The following CNTNAP2 variants were observed in gnomAD, a reference collection of about 807,000 sequenced individuals.
CNTNAP2 encodes contactin associated protein 2.
In CNTNAP2, 98 loss-of-function variants were observed where a neutral mutation model predicts 155.2. That is an observed-to-expected ratio of 0.63 (90% CI 0.54 to 0.75). CNTNAP2 has a LOEUF of 0.75. Among genes scored for constraint, CNTNAP2 ranks in the 30% least tolerant of loss-of-function variants. The pLI is 0.00. For synonymous variants in CNTNAP2, 651 were observed against 631.2 expected, an observed-to-expected ratio of 1.03 and a Z score of -0.47; for missense variants, 1,727 against 1,688.1, an observed-to-expected ratio of 1.02 and a Z score of -0.40.
At chr7:147,387,922 A>G (rs1796650289) in intron 9 of CNTNAP2, among the ~76,000 whole-genome samples, 1 of 152,122 alleles carries the variant, frequency 6.6e-6, no homozygotes, top group Non-Finnish European at 1.5e-5. Context: ...TGCCTGAATT[A>G]ATTATTAACA....
intron 20 of CNTNAP2, among the ~76,000 whole-genome samples, chr7:148,231,773 G>A (rs1196872400): frequency 6.6e-6 from 1 of 152,150 alleles, no homozygotes; most frequent in Non-Finnish European, 1.5e-5. Flanking sequence ...TGCTCACCTT[G>A]TTGGGTGGAA....
In CNTNAP2 at chr7:148,178,614, A is replaced by G. The variant is rs76382272; in HGVS notation, c.3010+6136A>G. Among the ~76,000 whole-genome samples, 1,123 of 152,374 alleles carry G rather than the reference A, an allele frequency of 7.4e-3. 10 individuals carry two copies. The highest frequency in any genetic ancestry group is 0.025 in the African/African-American group (1,052 of 41,578). Reference sequence around the variant, plus strand: ...CAACCTATAAGATGATGATGGAATTAGATGTCAGTTTGAATCCATCTTTCT... The same window carrying G: ...CAACCTATAAGATGATGATGGAATTGGATGTCAGTTTGAATCCATCTTTCT... On this transcript the variant is annotated intron_variant, in intron 18 of 23. Coordinates refer to ENST00000361727, the MANE Select transcript of CNTNAP2 (RefSeq NM_014141.6).
chr7:146,732,080 A>G (rs1238119944), intron 1 of CNTNAP2, among the ~76,000 whole-genome samples: 1 of 152,130 alleles, frequency 6.6e-6, no homozygotes, highest in Non-Finnish European at 1.5e-5. Context: ...ACAGTGGCCA[A>G]GATTCACCAA....
chr7:146,728,056 CGA>C (rs1290215233), intron 1 of CNTNAP2, among the ~76,000 whole-genome samples: 1 of 152,104 alleles, frequency 6.6e-6, no homozygotes, highest in East Asian at 1.9e-4. Context: ...AAGAGCATCA[CGA>C]GCATGCTCAG....
intron 13 of CNTNAP2, among the ~76,000 whole-genome samples, chr7:147,749,707 A>G (rs1372207377): frequency 6.6e-6 from 1 of 152,224 alleles, no homozygotes; most frequent in Non-Finnish European, 1.5e-5. Context: ...GGGCCATAGC[A>G]AGTATATGTT....
intron 3 of CNTNAP2, among the ~76,000 whole-genome samples, chr7:147,011,601 C>T (rs913309255): frequency 2.6e-5 from 4 of 151,364 alleles, no homozygotes; most frequent in Non-Finnish European, 5.9e-5. Context: ...GAAGCAGCCT[C>T]GGAAGCAAAG....
chr7:147,520,315 A>T (rs1037347031), intron 11 of CNTNAP2, among the ~76,000 whole-genome samples: 3 of 152,220 alleles, frequency 2.0e-5, no homozygotes, highest in Admixed American at 6.5e-5. Context: ...AATAAGTTAC[A>T]TTTCTTATAG....
At chr7:146,849,555 T>G (rs1794833287) in intron 3 of CNTNAP2, among the ~76,000 whole-genome samples, 1 of 152,188 alleles carries the variant, frequency 6.6e-6, no homozygotes, top group Admixed American at 6.5e-5. Flanking sequence ...TCCAACACTT[T>G]CTCGTGGTGT....
At chr7:147,337,517 C>T (rs1472727845) in intron 9 of CNTNAP2, among the ~76,000 whole-genome samples, 11 of 152,060 alleles carry the variant, frequency 7.2e-5, no homozygotes, top group African/African-American at 2.7e-4. Context: ...TCCTGCAGTG[C>T]TGTGTGTCTT....
chr7:147,987,991 G>A (rs1189393119), intron 15 of CNTNAP2, among the ~76,000 whole-genome samples: 1 of 152,104 alleles, frequency 6.6e-6, no homozygotes, highest in Non-Finnish European at 1.5e-5. Context: ...CACCACGCCT[G>A]GCAGGTTTTA....
intron 1 of CNTNAP2, among the ~76,000 whole-genome samples, chr7:146,381,089 C>T (rs1165370978): frequency 4.6e-5 from 7 of 152,068 alleles, no homozygotes; most frequent in East Asian, 1.9e-4. Context: ...TGAGCCACCG[C>T]GCCCGGCCTG....
intron 3 of CNTNAP2, among the ~76,000 whole-genome samples, chr7:147,004,852 A>G (rs1798496356): frequency 2.0e-5 from 3 of 152,128 alleles, no homozygotes; most frequent in African/African-American, 7.2e-5. Flanking sequence ...AAACGAATCA[A>G]CTAGATAATA....
In CNTNAP2 at chr7:146,483,236, A is replaced by C. The variant is rs1262521516; in HGVS notation, c.98-291035A>C. Among the ~76,000 whole-genome samples the C allele has an allele frequency of 3.5e-5, 5 of 141,078 alleles. 1 individual carries two copies. Among genetic ancestry groups the C allele is most frequent in the African/African-American group, 1.3e-4 (5 of 39,162 alleles). The allele number at this position is 141,078 out of a possible 152,430, so 92.6% of individuals were successfully genotyped here. A position where few individuals can be genotyped will look rare whatever the true frequency, so the allele number is the denominator to read the frequency against. ...ACTTGCAGTGAGCCAAGATCGCGCC[A>C]CTGCACTCCAGCCTGGGCAACAGAG... On this transcript the variant is annotated intron_variant, in intron 1 of 23. Transcript: ENST00000361727.
chr7:146,374,046 G>A (rs1795272795), intron 1 of CNTNAP2, among the ~76,000 whole-genome samples: 1 of 152,052 alleles, frequency 6.6e-6, no homozygotes, highest in African/African-American at 2.4e-5. Context: ...GAAAGAGGAA[G>A]GTATATGAAA....
At chr7:148,172,946 A>T (rs1363574429) in intron 18 of CNTNAP2, among the ~76,000 whole-genome samples, 1 of 152,212 alleles carries the variant, frequency 6.6e-6, no homozygotes, top group Non-Finnish European at 1.5e-5. Context: ...ACTCACCAGA[A>T]AGCTCCTCTG....
At position 146,277,902 on chromosome 7, in the gene CNTNAP2, A is replaced by C. The variant is rs190670799; in HGVS notation, c.97+160929A>C. Among the ~76,000 whole-genome samples, 373 of 152,294 alleles carry C rather than the reference A, an allele frequency of 2.4e-3. 2 individuals are homozygous for C. The highest frequency in any genetic ancestry group is 7.8e-3 in the African/African-American group (325 of 41,568). Reference sequence around the variant, plus strand: ...CTTTTCAACTGACTAATAAGAGATGAAAGGACAAGAAAGAAAAATTTTCAA... The same window carrying C: ...CTTTTCAACTGACTAATAAGAGATGCAAGGACAAGAAAGAAAAATTTTCAA... On this transcript the variant is annotated intron_variant, in intron 1 of 23. Transcript: ENST00000361727.
At chr7:148,319,789 T>C (rs1156349271) in intron 21 of CNTNAP2, among the ~76,000 whole-genome samples, 1 of 151,822 alleles carries the variant, frequency 6.6e-6, no homozygotes, top group African/African-American at 2.4e-5. Context: ...AGTTGCAGGA[T>C]AACAAGCTCA....
chr7:147,230,843 C>T (rs535074566), intron 8 of CNTNAP2, among the ~76,000 whole-genome samples: 2 of 152,208 alleles, frequency 1.3e-5, no homozygotes, highest in East Asian at 3.9e-4. Flanking sequence ...ACTATTTGTC[C>T]TTCTGTGTCT....
intron 13 of CNTNAP2, among the ~76,000 whole-genome samples, chr7:147,840,757 G>A (rs1469238155): frequency 6.6e-6 from 1 of 152,116 alleles, no homozygotes; most frequent in African/African-American, 2.4e-5. Context: ...GGAAAGGAAA[G>A]GGAAGATAGA....
Sources: allele counts gnomAD v4.1 joint callset (sites outside exome capture counted in the v4.1 genomes callset), GRCh38; gene constraint gnomAD v4.1.1; transcripts MANE v1.5; gene names NCBI Gene and HGNC (gene_info 2026-07-23, HGNC 2026-07-21).